Variants in APCDD1L observed in about 807,000 individuals in gnomAD.
The protein encoded by APCDD1L is protein APCDD1-like.
In APCDD1L, 21 loss-of-function variants were observed where a neutral mutation model predicts 24.2. The observed-to-expected ratio is 0.87, with a 90% confidence interval of 0.61 to 1.25. APCDD1L has a LOEUF of 1.25. Ranked by LOEUF, APCDD1L falls within the 50% of genes most tolerant of loss-of-function variation. The pLI is 0.00. For synonymous variants in APCDD1L, 321 were observed against 323.6 expected, an observed-to-expected ratio of 0.99 and a Z score of 0.09; for missense variants, 704 against 711.7, an observed-to-expected ratio of 0.99 and a Z score of 0.12.
In APCDD1L at chr20:58,497,736, G is replaced by A. The variant is rs1216428920; in HGVS notation, c.49+16923C>T. The stretch of plus-strand genomic sequence containing the variant: ...ACACATGCTGAGGCCCTGGGGGTCA[G>A]GACTTCAACATATGGATTTGGGTAG... On this transcript the variant is annotated intron_variant, in intron 1 of 3. Coordinates refer to ENST00000371149, the MANE Select transcript of APCDD1L (RefSeq NM_153360.3). This position sits in a 1 kb window ranked among gnomAD's most constrained non-coding sequence, Gnocchi z 4.3. 6.6e-6 allele frequency among the ~76,000 whole-genome samples: 1 copy of A among 152,180 alleles called. No individual in the cohort carries two copies. Among genetic ancestry groups the A allele is most frequent in the Non-Finnish European group, 1.5e-5 (1 of 68,034 alleles).
chr20:58,470,622 A>G lies in APCDD1L; in HGVS notation c.175T>C (p.Trp59Arg). The G allele has an allele frequency of 6.3e-7, 1 of 1,585,914 alleles. No homozygotes were observed. Among genetic ancestry groups the G allele is most frequent in the South Asian group, 1.2e-5 (1 of 86,386 alleles). The stretch of plus-strand genomic sequence containing the variant: ...CTGAAGTCTTACCCTGTGGAGATCC[A>G]AGGTCCATTAAGGCGTGGAGGCAGG... ...AILPPRLNGP[W>R]ISTGCEVRPG... The change falls in exon 2 of 4, where the codon TGG (tryptophan) becomes CGG (arginine). Residue 59 changes from tryptophan (W) to arginine (R), a missense_variant. Trp to Arg is a moderately radical substitution (Grantham distance 101). Coordinates refer to ENST00000371149, the MANE Select transcript of APCDD1L (RefSeq NM_153360.3).
chr20:58,481,307 G>A (rs145552597), intron 1 of APCDD1L, among the ~76,000 whole-genome samples: 6 of 152,282 alleles, frequency 3.9e-5, no homozygotes, highest in African/African-American at 1.4e-4. Context: ...ACAGGACTTC[G>A]GCAAGATAAT....
At chr20:58,504,189 G>T (rs8125197) in intron 1 of APCDD1L, among the ~76,000 whole-genome samples, 10,375 of 152,176 alleles carry the variant, frequency 0.068, 442 homozygotes, top group East Asian at 0.2. Flanking sequence ...CAGGGCAAAG[G>T]CTCCATGGCT....
intron 1 of APCDD1L, among the ~76,000 whole-genome samples, chr20:58,512,897 T>C (rs1990655511): frequency 6.6e-6 from 1 of 150,944 alleles, no homozygotes; most frequent in Non-Finnish European, 1.5e-5. Flanking sequence ...GCTGCCCCCC[T>C]CTCTCGTCAG....
intron 2 of APCDD1L, among the ~76,000 whole-genome samples, chr20:58,469,906 G>T (rs368513170): frequency 1.3e-5 from 2 of 152,170 alleles, no homozygotes; most frequent in Non-Finnish European, 2.9e-5. Context: ...CCTTTTCCCC[G>T]ATCCCTGCCC....
intron 3 of APCDD1L, among the ~76,000 whole-genome samples, chr20:58,464,887 C>G (rs1013507538): frequency 3.3e-5 from 5 of 151,628 alleles, no homozygotes; most frequent in Non-Finnish European, 5.9e-5. Context: ...GGAGACGGGC[C>G]ATTGGTGAGC....
At chr20:58,483,627 A>C (rs1341839254) in intron 1 of APCDD1L, among the ~76,000 whole-genome samples, 1 of 152,228 alleles carries the variant, frequency 6.6e-6, no homozygotes, top group Non-Finnish European at 1.5e-5. Flanking sequence ...AACAGTAATA[A>C]TCAGATGTGG....
At chr20:58,471,535 CA>C (rs1989812570) in intron 1 of APCDD1L, among the ~76,000 whole-genome samples, 1 of 152,240 alleles carries the variant, frequency 6.6e-6, no homozygotes, top group East Asian at 1.9e-4. Context: ...GCACAAGCTC[CA>C]GGTCCTCTAG....
At chr20:58,491,798 GT>G (rs1489817497) in intron 1 of APCDD1L, among the ~76,000 whole-genome samples, 1 of 152,206 alleles carries the variant, frequency 6.6e-6, no homozygotes, top group Non-Finnish European at 1.5e-5. Context: ...ATAGGGACGT[GT>G]TGTATCAGAG....
intron 1 of APCDD1L, among the ~76,000 whole-genome samples, chr20:58,471,763 C>T (rs148225008): frequency 1.3e-5 from 2 of 152,350 alleles, no homozygotes; most frequent in South Asian, 4.1e-4. Context: ...CAGTGAGCTG[C>T]GTCCAAATAC....
At chr20:58,478,281 T>C (rs930082163) in intron 1 of APCDD1L, among the ~76,000 whole-genome samples, 3 of 152,332 alleles carry the variant, frequency 2.0e-5, no homozygotes, top group African/African-American at 7.2e-5. Flanking sequence ...TGGAAAATGG[T>C]GTTTAGAAAC....
intron 1 of APCDD1L, among the ~76,000 whole-genome samples, chr20:58,488,990 A>G (rs760117802): frequency 3.3e-5 from 5 of 152,164 alleles, no homozygotes. Context: ...AAAGGAAAGG[A>G]AAGAAGAGTG....
Position 58,494,402 on chromosome 20 carries a change from G to C in APCDD1L, c.49+20257C>G, listed in dbSNP as rs543548300. On this transcript the variant is annotated intron_variant, in intron 1 of 3. Transcript: ENST00000371149. The surrounding 1 kb of genome is among the most constrained non-coding windows in gnomAD (Gnocchi z 4.8). ...GCATAGGCTAGAGTACAATGGGATC[G>C]GCTCACTGCAGCCTCAAACTCCCCG... Among the ~76,000 whole-genome samples, 1 of 151,406 alleles carries C rather than the reference G, an allele frequency of 6.6e-6. No homozygotes were observed. The highest frequency in any genetic ancestry group is 1.5e-5 in the Non-Finnish European group (1 of 67,966).
chr20:58,474,529 C>G (rs913631454), intron 1 of APCDD1L, among the ~76,000 whole-genome samples: 1 of 152,102 alleles, frequency 6.6e-6, no homozygotes, highest in African/African-American at 2.4e-5. Context: ...CATGGTGAAA[C>G]CCTGTTTATA....
chr20:58,513,397 A>C (rs904471383), intron 1 of APCDD1L, among the ~76,000 whole-genome samples: 1 of 152,150 alleles, frequency 6.6e-6, no homozygotes, highest in Non-Finnish European at 1.5e-5. Context: ...TGGCAGGGGA[A>C]GCGGCCCCTG....
At position 58,461,021 on chromosome 20, in the gene APCDD1L, C is replaced by G. The variant is rs1568731564; in HGVS notation, c.1275G>C (p.Leu425=). ...KMEQDPLGQS[L]LFIGQRPTDG... ...CGGTGGGCCTTTGTCCGATGAAGAG[C>G]AGGCTTTGCCCGAGGGGGTCTTGTT... The change falls in exon 4 of 4, where the codon CTG becomes CTC. Residue 425 remains leucine (L), a synonymous_variant. Transcript: ENST00000371149. The surrounding 1 kb of genome is among the most constrained non-coding windows in gnomAD (Gnocchi z 6.0). 1 of 1,614,114 alleles carries G rather than the reference C, an allele frequency of 6.2e-7. No individual in the cohort carries two copies. The highest frequency in any genetic ancestry group is 8.5e-7 in the Non-Finnish European group (1 of 1,180,006).
intron 1 of APCDD1L, among the ~76,000 whole-genome samples, chr20:58,488,036 G>A (rs974843033): frequency 5.3e-5 from 8 of 152,070 alleles, no homozygotes; most frequent in African/African-American, 9.7e-5. Flanking sequence ...CCCCATGTGC[G>A]GTTTTGCTTT....
In APCDD1L at chr20:58,461,342, G is replaced by A. The variant is rs906924591; in HGVS notation, c.954C>T (p.Phe318=). 13 of 1,597,318 alleles carry A rather than the reference G, an allele frequency of 8.1e-6. No individual in the cohort carries two copies. Among genetic ancestry groups the A allele is most frequent in the Non-Finnish European group, 1.0e-5 (12 of 1,168,984 alleles). The change falls in exon 4 of 4, where the codon TTC becomes TTT. Residue 318 remains phenylalanine, a synonymous_variant. Transcript: ENST00000371149. The surrounding 1 kb of genome is among the most constrained non-coding windows in gnomAD (Gnocchi z 6.0). ...TGGGCTGCCGGCAGGCTGGGTCTGA[G>A]AAGTGGTGGTAATACCCTTCCCAGG... ...SRSWEGYYHH[F]SDPACRQPTF...
chr20:58,514,888 A>C lies in APCDD1L; in HGVS notation c.-181T>G, dbSNP rs549330061. The C allele has an allele frequency of 3.1e-5, 13 of 420,696 alleles. No individual in the cohort carries two copies. In the East Asian group the frequency reaches 4.9e-4, roughly 16 times the overall value. 26.1% of individuals were successfully genotyped at this position (420,696 alleles called of 1,614,324 possible). A position where few individuals can be genotyped will look rare whatever the true frequency, so the allele number is the denominator to read the frequency against. On this transcript the variant is annotated 5_prime_UTR_variant, in exon 1 of 4. Transcript: ENST00000371149. ...GCGCTCAGCCTTCCCGGCTGTTGAT[A>C]GTTGTAAGCGGAGCTGCGCACTCAT...
Sources: allele counts gnomAD v4.1 joint callset (sites outside exome capture counted in the v4.1 genomes callset), GRCh38; gene constraint gnomAD v4.1.1; non-coding constraint Gnocchi (gnomAD v3.1); transcripts MANE v1.5; gene names NCBI Gene and HGNC (gene_info 2026-07-23, HGNC 2026-07-21).